Variants in RHOU observed in about 807,000 individuals in gnomAD.
RHOU encodes ras homolog family member U.
A neutral mutation model predicts 12.6 loss-of-function variants in RHOU; 8 were observed. The ratio of observed to expected loss-of-function variants is 0.64; its 90% CI spans 0.37 to 1.15. The LOEUF is 1.15. RHOU is among the 50% of genes most tolerant of loss of function. RHOU has a pLI of 0.01. For synonymous variants in RHOU, 161 were observed against 147.4 expected (o/e 1.09, Z -0.67); for missense variants, 258 against 347.0 (o/e 0.74, Z 2.04).
the RHOU span, among the ~76,000 whole-genome samples, chr1:228,710,910 C>T: frequency 1.3e-5 from 2 of 152,030 alleles, no homozygotes; most frequent in African/African-American, 4.8e-5. Context: ...ATCTAGAAAA[C>T]CCCATTGTCT....
chr1:228,723,640 G>T, the RHOU span, among the ~76,000 whole-genome samples: 1 of 152,226 alleles, frequency 6.6e-6, no homozygotes, highest in Non-Finnish European at 1.5e-5. Context: ...AGAGCTAAGA[G>T]CCGGGGCTTT....
the RHOU span, among the ~76,000 whole-genome samples, chr1:228,725,597 C>T: frequency 1.3e-5 from 2 of 152,200 alleles, no homozygotes; most frequent in African/African-American, 2.4e-5. Flanking sequence ...GTGGGCAGAA[C>T]GATGGCAGCA....
the RHOU span, among the ~76,000 whole-genome samples, chr1:228,706,794 T>C: frequency 6.6e-6 from 1 of 152,148 alleles, no homozygotes; most frequent in African/African-American, 2.4e-5. Context: ...GTTAGCATTA[T>C]AGCCTATTAC....
chr1:228,727,670 A>T, the RHOU span, among the ~76,000 whole-genome samples: 2 of 152,296 alleles, frequency 1.3e-5, no homozygotes, highest in South Asian at 4.1e-4. Flanking sequence ...TTCCCATTGT[A>T]GGACTGGGGG....
the RHOU span, among the ~76,000 whole-genome samples, chr1:228,707,116 A>G: frequency 4.4e-5 from 4 of 90,808 alleles, no homozygotes; most frequent in African/African-American, 1.1e-4. Flanking sequence ...ATATATATAT[A>G]TATATATATA....
chr1:228,684,944 G>C, the RHOU span, among the ~76,000 whole-genome samples: 1 of 152,220 alleles, frequency 6.6e-6, no homozygotes, highest in Admixed American at 6.5e-5. Context: ...AGGAATAAAA[G>C]AACGGCTACT....
chr1:228,656,970 G>C, the RHOU span, among the ~76,000 whole-genome samples: 1 of 152,058 alleles, frequency 6.6e-6, no homozygotes, highest in African/African-American at 2.4e-5. Flanking sequence ...CGAATAGGAT[G>C]AAAGTGAAGA....
At chr1:228,663,277 C>A in the RHOU span, among the ~76,000 whole-genome samples, 1 of 152,122 alleles carries the variant, frequency 6.6e-6, no homozygotes, top group Non-Finnish European at 1.5e-5. Context: ...TTGCTTTAGA[C>A]ACATCACAAA....
the RHOU span, among the ~76,000 whole-genome samples, chr1:228,693,734 G>T: frequency 6.6e-6 from 1 of 152,192 alleles, no homozygotes; most frequent in South Asian, 2.1e-4. Context: ...CCAAAGTGCT[G>T]GGATTACAGG....
At chr1:228,716,716 ATG>A in the RHOU span, among the ~76,000 whole-genome samples, 1 of 150,738 alleles carries the variant, frequency 6.6e-6, no homozygotes, top group Non-Finnish European at 1.5e-5. Flanking sequence ...TATGTATGTT[ATG>A]TGTGTGTGTA....
chr1:228,678,539 G>T, the RHOU span, among the ~76,000 whole-genome samples: 1 of 152,144 alleles, frequency 6.6e-6, no homozygotes, highest in Non-Finnish European at 1.5e-5. Context: ...TGGAAGTAAA[G>T]CGGCCTTAAG....
chr1:228,733,689 G>A (rs1662538789), upstream of RHOU, among the ~76,000 whole-genome samples: 1 of 152,158 alleles, frequency 6.6e-6, no homozygotes, highest in African/African-American at 2.4e-5. Flanking sequence ...CTTGCTACTG[G>A]AACCCTTCTA....
chr1:228,718,958 C>T, the RHOU span, among the ~76,000 whole-genome samples: 1 of 152,118 alleles, frequency 6.6e-6, no homozygotes, highest in Non-Finnish European at 1.5e-5. Flanking sequence ...GTTGAGAGAT[C>T]AAAAGGAAGT....
At chr1:228,657,815 C>T in the RHOU span, among the ~76,000 whole-genome samples, 1 of 152,124 alleles carries the variant, frequency 6.6e-6, no homozygotes, top group African/African-American at 2.4e-5. Flanking sequence ...AGATAGATAG[C>T]ATATCAAATA....
the RHOU span, among the ~76,000 whole-genome samples, chr1:228,658,137 G>A: frequency 1.3e-5 from 2 of 151,858 alleles, no homozygotes; most frequent in African/African-American, 4.8e-5. Context: ...AAAATTAGGT[G>A]GGCATGGTGG....
the RHOU span, among the ~76,000 whole-genome samples, chr1:228,704,639 T>A: frequency 2.0e-5 from 3 of 150,830 alleles, no homozygotes; most frequent in Non-Finnish European, 3.0e-5. Context: ...TTTTTTTTTT[T>A]AAGTAGCGAT....
upstream of RHOU, chr1:228,734,950 G>GA (rs3840437): frequency 0.15 from 23,422 of 152,192 alleles, 2,072 homozygotes; most frequent in South Asian, 0.22. Flanking sequence ...TTCAAAATGA[G>GA]AAAAAATCAC....
chr1:228,653,894 A>G, the RHOU span, among the ~76,000 whole-genome samples: 1 of 152,250 alleles, frequency 6.6e-6, no homozygotes, highest in African/African-American at 2.4e-5. Flanking sequence ...TCTTTGGTAG[A>G]AATTGGGAAG....
At chr1:228,648,864 CTTTCTT>C in the RHOU span, among the ~76,000 whole-genome samples, 1 of 68,092 alleles carries the variant, frequency 1.5e-5, no homozygotes, top group African/African-American at 4.3e-5. Context: ...CTCTCTCTTT[CTTTCTT>C]TCTTTCTTTC....
Sources: allele counts gnomAD v4.1 joint callset (sites outside exome capture counted in the v4.1 genomes callset), GRCh38; gene constraint gnomAD v4.1.1; transcripts MANE v1.5; gene names NCBI Gene and HGNC (gene_info 2026-07-23, HGNC 2026-07-21).